PALS1: variants seen among roughly 807,000 people sequenced by gnomAD.
PALS1 encodes protein PALS1.
Under a neutral mutation model 78.9 loss-of-function variants are expected in PALS1, and 31 were observed. That is an observed-to-expected ratio of 0.39 (90% CI 0.30 to 0.53). The LOEUF is 0.53. Among genes scored for constraint, PALS1 ranks in the 20% least tolerant of loss-of-function variants. The pLI, the probability that PALS1 is intolerant of heterozygous loss-of-function variation, is 0.67. For synonymous variants in PALS1, 276 were observed against 270.9 expected (o/e 1.02, Z -0.18); for missense variants, 704 against 826.5 (o/e 0.85, Z 1.82).
intron 3 of PALS1, among the ~76,000 whole-genome samples, chr14:67,280,792 TTTCCTTCCTTCCTTCCTTCCTTCC>T (rs781369868): frequency 2.8e-4 from 22 of 77,662 alleles, no homozygotes; most frequent in South Asian, 9.5e-4. Flanking sequence ...TCTGGAGCAG[TTTCCTTCCTTCCTTCCTTCCTTCC>T]TTCCTTCCTT....
chr14:67,277,600 GAAA>G (rs35255576), intron 2 of PALS1, among the ~76,000 whole-genome samples: 6 of 144,990 alleles, frequency 4.1e-5, no homozygotes, highest in African/African-American at 1.5e-4. Flanking sequence ...GCTCTTGAGT[GAAA>G]AAAAAAAGGC....
At chr14:67,323,614 T>A (rs8016312) in intron 13 of PALS1, 88 bp from the exon 14 acceptor site, 25,863 of 265,286 alleles carry the variant, frequency 0.097, 2,547 homozygotes, top group East Asian at 0.33. Context: ...TCCCTTAATC[T>A]AATATATATA....
At chr14:67,270,231 C>G (rs920807698) in intron 2 of PALS1, 2 of 152,098 alleles carry the variant, frequency 1.3e-5, no homozygotes, top group African/African-American at 4.8e-5. Context: ...TCCCATTGCC[C>G]CCTTCTCCCG....
At chr14:67,263,185 CTT>C (rs1239891476) in intron 1 of PALS1, among the ~76,000 whole-genome samples, 2 of 152,090 alleles carry the variant, frequency 1.3e-5, no homozygotes, top group African/African-American at 4.8e-5. Context: ...AAATGAAACA[CTT>C]TTTACTTCAG....
At chr14:67,317,804 C>T (rs1481251271) in intron 11 of PALS1, among the ~76,000 whole-genome samples, 1 of 152,200 alleles carries the variant, frequency 6.6e-6, no homozygotes, top group African/African-American at 2.4e-5. Flanking sequence ...TAGCTCATGT[C>T]ACAGAAGCAA....
At chr14:67,264,292 G>A (rs1198699453) in intron 1 of PALS1, among the ~76,000 whole-genome samples, 1 of 152,198 alleles carries the variant, frequency 6.6e-6, no homozygotes, top group African/African-American at 2.4e-5. Context: ...TTTAACATAT[G>A]TAGCACAGTG....
Position 67,301,411 on chromosome 14 carries a change from T to C in PALS1, c.599T>C (p.Val200Ala). 3 of 1,610,158 alleles carry C rather than the reference T, an allele frequency of 1.9e-6. No individual in the cohort carries two copies. The highest frequency in any genetic ancestry group is 2.5e-6 in the Non-Finnish European group (3 of 1,177,706). Reference sequence around the variant, plus strand: ...TAGGTACAAACTGTTTTGAAGCCAGTTCATCATAAGGAAGGACAAGAACTA... The same window carrying C: ...TAGGTACAAACTGTTTTGAAGCCAGCTCATCATAAGGAAGGACAAGAACTA... ...AQEVQTVLKP[V>A]HHKEGQELTA... The change falls in exon 5 of 15, where the codon GTT becomes GCT. Residue 200 changes from valine (V) to alanine (A), a missense_variant. Coordinates refer to ENST00000261681, the MANE Select transcript of PALS1 (RefSeq NM_022474.4).
chr14:67,326,598 A>G (rs2085362212), intron 14 of PALS1, among the ~76,000 whole-genome samples: 1 of 152,042 alleles, frequency 6.6e-6, no homozygotes, highest in Non-Finnish European at 1.5e-5. Context: ...ATCACTCTAG[A>G]TAGTTTTCTT....
chr14:67,257,666 T>A (rs895066030), intron 1 of PALS1, among the ~76,000 whole-genome samples: 1 of 151,866 alleles, frequency 6.6e-6, no homozygotes, highest in Non-Finnish European at 1.5e-5. Context: ...TGTATATATG[T>A]ATGTATATAT....
At chr14:67,256,925 C>G (rs577919831) in intron 1 of PALS1, among the ~76,000 whole-genome samples, 2 of 152,102 alleles carry the variant, frequency 1.3e-5, no homozygotes, top group Non-Finnish European at 2.9e-5. Context: ...AAATATCTGA[C>G]AGGTCTCATT....
At chr14:67,315,233 GTTC>G (rs1272586868) in intron 9 of PALS1, among the ~76,000 whole-genome samples, 12 of 122,608 alleles carry the variant, frequency 9.8e-5, no homozygotes. Context: ...AAATTACTTT[GTTC>G]TTGATTTTTA....
At chr14:67,298,818 G>A (rs970656149) in intron 4 of PALS1, among the ~76,000 whole-genome samples, 4 of 152,284 alleles carry the variant, frequency 2.6e-5, no homozygotes, top group South Asian at 2.1e-4. Context: ...GGCCCTTTGC[G>A]ATGACAATCA....
chr14:67,290,559 A>T (rs1174920658), intron 3 of PALS1, among the ~76,000 whole-genome samples: 1 of 152,194 alleles, frequency 6.6e-6, no homozygotes, highest in Non-Finnish European at 1.5e-5. Context: ...TTGTATTTTT[A>T]AAAATTATTG....
intron 14 of PALS1, among the ~76,000 whole-genome samples, chr14:67,324,266 A>T (rs1363575327): frequency 1.3e-5 from 2 of 152,128 alleles, no homozygotes; most frequent in Non-Finnish European, 2.9e-5. Flanking sequence ...ATTATTTTAG[A>T]TCTATGCTAG....
intron 3 of PALS1, chr14:67,279,755 C>A: frequency 2.4e-6 from 1 of 420,780 alleles, no homozygotes. Context: ...GTCACTATAA[C>A]ATGTTTTTTT....
At chr14:67,290,075 C>CT (rs1412973696) in intron 3 of PALS1, among the ~76,000 whole-genome samples, 2 of 151,830 alleles carry the variant, frequency 1.3e-5, no homozygotes, top group Non-Finnish European at 2.9e-5. Context: ...CCTGGCCTCC[C>CT]TGTCTTTTTT....
intron 1 of PALS1, among the ~76,000 whole-genome samples, chr14:67,258,113 C>A (rs530631058): frequency 1.3e-5 from 2 of 151,812 alleles, no homozygotes; most frequent in South Asian, 4.2e-4. Context: ...TAATGCAGCA[C>A]GTATTGAGTT....
intron 5 of PALS1, 66 bp from the exon 6 acceptor site, chr14:67,301,906 T>C: frequency 6.6e-7 from 1 of 1,505,352 alleles, no homozygotes; most frequent in Non-Finnish European, 8.9e-7. Flanking sequence ...TGTACATAGG[T>C]TAAAAATCAC....
chr14:67,313,744 T>G (rs1385665690), intron 9 of PALS1, among the ~76,000 whole-genome samples: 2 of 152,148 alleles, frequency 1.3e-5, no homozygotes, highest in Non-Finnish European at 2.9e-5. Flanking sequence ...CTTACATACT[T>G]TACTTGAAAG....
Sources: gnomAD v4.1 joint callset for allele counts (sites outside exome capture counted in the v4.1 genomes callset) on GRCh38, gnomAD v4.1.1 for gene constraint, MANE v1.5 for transcripts, NCBI Gene and HGNC (gene_info 2026-07-23, HGNC 2026-07-21) for gene names.